RDH11: variants seen among roughly 807,000 people sequenced by gnomAD.
RDH11 encodes the protein retinol dehydrogenase 11.
A neutral mutation model predicts 33.4 loss-of-function variants in RDH11; 19 were observed. That is an observed-to-expected ratio of 0.57 (90% CI 0.40 to 0.83). RDH11 has a LOEUF of 0.83. Ranked by LOEUF, RDH11 falls within the 40% of genes least tolerant of loss-of-function variation. RDH11 has a pLI of 0.00. For synonymous variants in RDH11, 154 were observed against 155.3 expected, an observed-to-expected ratio of 0.99 and a Z score of 0.06; for missense variants, 353 against 389.0, an observed-to-expected ratio of 0.91 and a Z score of 0.78.
At position 67,692,493 on chromosome 14, in the gene RDH11, T is replaced by C. The variant is rs755222671; in HGVS notation, c.294A>G (p.Lys98=). 3.1e-6 allele frequency: 5 copies of C among 1,614,076 alleles called. No individual in the cohort carries two copies. In the South Asian group the frequency reaches 5.5e-5, roughly 18 times the overall value. The change falls in exon 3 of 7, where the codon AAA becomes AAG. Residue 98 remains lysine, a synonymous_variant. Coordinates refer to ENST00000381346, the MANE Select transcript of RDH11 (RefSeq NM_016026.4). ...TAGACTTAGTATCAGACAGGTCCAGTTTCCGCACCAACACCTGCTGGTTCC... is the reference window on the plus strand; with the variant it reads ...TAGACTTAGTATCAGACAGGTCCAGCTTCCGCACCAACACCTGCTGGTTCC... ...TTGNQQVLVR[K]LDLSDTKSIR... is the part of the protein sequence containing the mutation.
intron 6 of RDH11, among the ~76,000 whole-genome samples, chr14:67,680,880 T>G (rs143833675): frequency 2.6e-5 from 4 of 152,324 alleles, no homozygotes; most frequent in African/African-American, 9.6e-5. Flanking sequence ...CTTACTACAA[T>G]GCTATAGTAA....
intron 6 of RDH11, among the ~76,000 whole-genome samples, chr14:67,682,501 A>G (rs1447009558): frequency 1.3e-5 from 2 of 152,248 alleles, no homozygotes; most frequent in Admixed American, 6.5e-5. Flanking sequence ...AGCGCATGAA[A>G]GAATGTTCAA....
chr14:67,678,724 C>CTAA (rs2037574701), intron 6 of RDH11, among the ~76,000 whole-genome samples: 1 of 152,008 alleles, frequency 6.6e-6, no homozygotes, highest in Non-Finnish European at 1.5e-5. Flanking sequence ...TGCCTGACAC[C>CTAA]CATGTATATC....
intron 6 of RDH11, chr14:67,684,567 G>C (rs1311331854): frequency 6.6e-6 from 1 of 152,052 alleles, no homozygotes; most frequent in Non-Finnish European, 1.5e-5. Context: ...GAGGACAATA[G>C]AGAAATGCAG....
intron 6 of RDH11, among the ~76,000 whole-genome samples, chr14:67,680,422 G>T (rs1179089174): frequency 1.3e-5 from 2 of 152,262 alleles, no homozygotes; most frequent in Non-Finnish European, 2.9e-5. Context: ...TGACATGAAG[G>T]TTCCTTGTAG....
chr14:67,695,539 A>C (rs1325396648), intron 1 of RDH11, 91 bp downstream of exon 1: 1 of 1,287,626 alleles, frequency 7.8e-7, no homozygotes, highest in Non-Finnish European at 1.1e-6. Flanking sequence ...CCCCCAGGGG[A>C]GTTTTCCAAG....
intron 6 of RDH11, among the ~76,000 whole-genome samples, chr14:67,682,076 T>C (rs1237759232): frequency 6.6e-6 from 1 of 152,186 alleles, no homozygotes; most frequent in East Asian, 1.9e-4. Flanking sequence ...CCAGGCACCA[T>C]GTTCTTAGAC....
At chr14:67,693,532 C>G (rs540619831) in intron 1 of RDH11, among the ~76,000 whole-genome samples, 11 of 151,592 alleles carry the variant, frequency 7.3e-5, no homozygotes, top group African/African-American at 2.7e-4. Flanking sequence ...AAAAAACACA[C>G]CCACACGCAT....
intron 1 of RDH11, among the ~76,000 whole-genome samples, chr14:67,694,449 T>TACAC (rs551336508): frequency 1.7e-4 from 25 of 145,802 alleles, no homozygotes; most frequent in East Asian, 4.0e-4. Flanking sequence ...TATATATATA[T>TACAC]ATACACACAC....
intron 6 of RDH11, among the ~76,000 whole-genome samples, chr14:67,680,201 TACAAA>T (rs946238662): frequency 2.0e-5 from 3 of 152,228 alleles, no homozygotes; most frequent in Non-Finnish European, 2.9e-5. Flanking sequence ...TCGTCACGTT[TACAAA>T]ACAAGTCTTA....
chr14:67,693,055 GCAGA>G lies in RDH11; in HGVS notation c.75-7_75-4del. 6.2e-7 allele frequency: 1 copy of G among 1,601,910 alleles called. No individual in the cohort carries two copies. The highest frequency in any genetic ancestry group is 8.5e-7 in the Non-Finnish European group (1 of 1,170,508). On this transcript the variant is annotated splice_polypyrimidine_tract_variant and splice_region_variant and intron_variant, in intron 1 of 6. Coordinates refer to ENST00000381346, the MANE Select transcript of RDH11 (RefSeq NM_016026.4). Reference sequence around the variant, plus strand: ...ACACCCCACTGGACAGCATTTTCCTGCAGACAGAGAAGGAGAGCTCATCAATTCT... The same window carrying G: ...ACACCCCACTGGACAGCATTTTCCTGCAGAGAAGGAGAGCTCATCAATTCT...
At chr14:67,685,361 A>G (rs1019141916) in intron 5 of RDH11, among the ~76,000 whole-genome samples, 157 bp from the exon 6 acceptor site, 4 of 152,228 alleles carry the variant, frequency 2.6e-5, no homozygotes, top group African/African-American at 9.6e-5. Context: ...TTATACTTCC[A>G]TCTCACAGAT....
rs1466801708 is a variant in RDH11 at position 67,693,032 on chromosome 14, A to AC, written c.94dup (p.Val32GlyfsTer19). 6.2e-7 allele frequency: 1 copy of AC among 1,612,782 alleles called. No individual in the cohort carries two copies. The highest frequency in any genetic ancestry group is 2.2e-5 in the East Asian group (1 of 44,800). Reference sequence around the variant, plus strand: ...AGGAAGCTGAACAGTTGATGTACACACCCCACTGGACAGCATTTTCCTGCA... The same window carrying AC: ...AGGAAGCTGAACAGTTGATGTACACACCCCCACTGGACAGCATTTTCCTGCA... On this transcript the variant is annotated frameshift_variant, in exon 2 of 7. Transcript: ENST00000381346. LOFTEE classifies it high-confidence loss of function.
chr14:67,682,575 G>T (rs1323635912), intron 6 of RDH11, among the ~76,000 whole-genome samples: 1 of 152,154 alleles, frequency 6.6e-6, no homozygotes, highest in Non-Finnish European at 1.5e-5. Flanking sequence ...CACTAGGATG[G>T]CTAAACTCAA....
chr14:67,690,585 A>G, intron 4 of RDH11, 164 bp from the exon 5 acceptor site: 1 of 623,890 alleles, frequency 1.6e-6, no homozygotes, highest in Non-Finnish European at 2.8e-6. Flanking sequence ...GGTTTAGGGA[A>G]ATAACAACAG....
chr14:67,690,827 GAGC>G (rs1174400205), intron 4 of RDH11: 1 of 379,198 alleles, frequency 2.6e-6, no homozygotes, highest in Non-Finnish European at 4.8e-6. Flanking sequence ...TACAAAAAAA[GAGC>G]AGATGACCTA....
intron 5 of RDH11, among the ~76,000 whole-genome samples, chr14:67,687,502 C>T (rs1051498429): frequency 7.8e-6 from 1 of 127,926 alleles, no homozygotes. Flanking sequence ...TGGAGTTTCA[C>T]TCTTGTTTGC....
At chr14:67,678,469 G>T in intron 6 of RDH11, 46 bp from the exon 7 acceptor site, 1 of 1,301,988 alleles carries the variant, frequency 7.7e-7, no homozygotes, top group Non-Finnish European at 1.1e-6. Context: ...TAAGAATGAA[G>T]TCTGCCATCT....
At chr14:67,684,900 A>T (rs2037657508) in intron 6 of RDH11, 115 bp downstream of exon 6, 1 of 774,742 alleles carries the variant, frequency 1.3e-6, no homozygotes, top group Non-Finnish European at 2.0e-6. Flanking sequence ...CTCTAGAGTT[A>T]AAAGACAAAA....
Sources: allele counts gnomAD v4.1 joint callset (sites outside exome capture counted in the v4.1 genomes callset), GRCh38; gene constraint gnomAD v4.1.1; transcripts MANE v1.5; gene names NCBI Gene and HGNC (gene_info 2026-07-23, HGNC 2026-07-21).